Variants in PRPF6 observed in about 807,000 individuals in gnomAD.
The protein encoded by PRPF6 is pre-mRNA processing factor 6, also known as pre-mRNA-processing factor 6.
A neutral mutation model predicts 118.3 loss-of-function variants in PRPF6; 42 were observed. The ratio of observed to expected loss-of-function variants is 0.35; its 90% CI spans 0.28 to 0.46. The LOEUF (loss-of-function observed/expected upper bound fraction) is 0.46, where lower values mean the gene tolerates loss of function less well. PRPF6 is among the 20% of genes least tolerant of loss of function. The pLI, the probability that PRPF6 is intolerant of heterozygous loss-of-function variation, is 1.00. For missense variants in PRPF6, 662 were observed against 1,255.7 expected (o/e 0.53, Z 7.15); for synonymous variants, 481 against 485.1 (o/e 0.99, Z 0.11).
chr20:64,010,243 C>T lies in PRPF6; in HGVS notation c.1230C>T (p.Ala410=), dbSNP rs202174499. The T allele has an allele frequency of 1.4e-5, 22 of 1,614,194 alleles. No individual in the cohort carries two copies. In the East Asian group the frequency reaches 2.0e-4, roughly 15 times the overall value. Residue 410 remains alanine, a synonymous_variant, in exon 10 of 21, where the codon GCC becomes GCT. Transcript: ENST00000266079. ...VPNSVRLWKA[A]VELEEPEDAR... Reference sequence around the variant, plus strand: ...ACTCGGTTCGCTTGTGGAAAGCAGCCGTTGAGCTGGAAGAACCTGAAGATG... The same window carrying T: ...ACTCGGTTCGCTTGTGGAAAGCAGCTGTTGAGCTGGAAGAACCTGAAGATG...
intron 12 of PRPF6, among the ~76,000 whole-genome samples, chr20:64,019,687 G>T (rs2059254342): frequency 6.6e-6 from 1 of 152,234 alleles, no homozygotes; most frequent in East Asian, 1.9e-4. Context: ...ATAGACCAGA[G>T]TGCTCTATCC....
chr20:64,000,987 C>T (rs908936509), intron 8 of PRPF6, 90 bp from the exon 9 acceptor site: 12 of 1,452,472 alleles, frequency 8.3e-6, no homozygotes, highest in Non-Finnish European at 1.1e-5. Flanking sequence ...TTCTGGGGCC[C>T]GAGGATCTGC....
intron 8 of PRPF6, among the ~76,000 whole-genome samples, chr20:64,000,265 G>GAA (rs2059160569): frequency 6.6e-6 from 1 of 152,086 alleles, no homozygotes; most frequent in Non-Finnish European, 1.5e-5. Flanking sequence ...GAGGCGGGTG[G>GAA]ATCACTTGAG....
intron 14 of PRPF6, 43 bp from the exon 15 acceptor site, chr20:64,025,896 C>G: frequency 6.2e-7 from 1 of 1,613,182 alleles, no homozygotes; most frequent in Non-Finnish European, 8.5e-7. Context: ...GCGCTGGTCC[C>G]TGTGTTCTGA....
At chr20:63,984,216 C>T (rs568183949) in intron 2 of PRPF6, among the ~76,000 whole-genome samples, 1 of 152,106 alleles carries the variant, frequency 6.6e-6, no homozygotes, top group African/African-American at 2.4e-5. Flanking sequence ...GCCAGGATAT[C>T]GAGACCATCC....
At chr20:64,019,448 C>G (rs1185702631) in intron 12 of PRPF6, among the ~76,000 whole-genome samples, 2 of 152,074 alleles carry the variant, frequency 1.3e-5, no homozygotes, top group Non-Finnish European at 2.9e-5. Flanking sequence ...AGCTGTTTTT[C>G]AAAGTGCTCG....
Position 64,011,272 on chromosome 20 carries a change from C to T in PRPF6, c.1306-13C>T, listed in dbSNP as rs2059216026. 1 of 1,613,514 alleles carries T rather than the reference C, an allele frequency of 6.2e-7. No homozygotes were observed. On this transcript the variant is annotated splice_polypyrimidine_tract_variant and intron_variant, in intron 10 of 20. Transcript: ENST00000266079. This position sits in a 1 kb window ranked among gnomAD's most constrained non-coding sequence, Gnocchi z 6.7. Reference sequence around the variant, plus strand: ...CAGTGTCCTCTCCTTTTTCTCGTGTCCTCTCCGCGTAGCTCTGGCTTGCTC... The same window carrying T: ...CAGTGTCCTCTCCTTTTTCTCGTGTTCTCTCCGCGTAGCTCTGGCTTGCTC...
chr20:63,983,024 G>A (rs370723310), intron 1 of PRPF6, 23 bp from the exon 2 acceptor site: 21 of 1,612,666 alleles, frequency 1.3e-5, no homozygotes, highest in Admixed American at 1.0e-4. Context: ...TCAGACACCC[G>A]GTGTCTTGGG....
Position 64,027,761 on chromosome 20 carries a change from G to C in PRPF6, c.2339+25G>C. On this transcript the variant is annotated intron_variant, in intron 17 of 20. Coordinates refer to ENST00000266079, the MANE Select transcript of PRPF6 (RefSeq NM_012469.4). The surrounding 1 kb of genome is among the most constrained non-coding windows in gnomAD (Gnocchi z 6.5). The stretch of plus-strand genomic sequence containing the variant: ...GGTGAGTCCTGGAGGGGGCAGCCTG[G>C]CCTCTGGGCACAGCTTCCCCATCAG... The C allele has an allele frequency of 6.2e-7, 1 of 1,613,176 alleles. No individual in the cohort carries two copies. Among genetic ancestry groups the C allele is most frequent in the Non-Finnish European group, 8.5e-7 (1 of 1,179,948 alleles).
chr20:64,024,064 A>G (rs1449345730), intron 13 of PRPF6, among the ~76,000 whole-genome samples: 1 of 152,252 alleles, frequency 6.6e-6, no homozygotes, highest in East Asian at 1.9e-4. Context: ...ATGAGAGTCC[A>G]GGAGCATCAG....
At chr20:63,994,427 G>T (rs554663337) in intron 4 of PRPF6, among the ~76,000 whole-genome samples, 41 of 152,264 alleles carry the variant, frequency 2.7e-4, no homozygotes, top group African/African-American at 9.4e-4. Context: ...AAAGTGCTGG[G>T]ATTAACAGGC....
At chr20:64,018,136 T>C (rs964651797) in intron 12 of PRPF6, among the ~76,000 whole-genome samples, 1 of 152,050 alleles carries the variant, frequency 6.6e-6, no homozygotes, top group Non-Finnish European at 1.5e-5. Context: ...TTTGGGGCCG[T>C]AGTGAGCTGT....
intron 19 of PRPF6, among the ~76,000 whole-genome samples, 181 bp from the exon 20 acceptor site, chr20:64,031,737 A>C (rs185074910): frequency 6.6e-6 from 1 of 151,782 alleles, no homozygotes; most frequent in Non-Finnish European, 1.5e-5. Context: ...GGGCAGCTTC[A>C]AGTTAATGAT....
At chr20:64,031,686 AAAAAACAAC>A (rs2059314656) in intron 19 of PRPF6, among the ~76,000 whole-genome samples, 1 of 150,258 alleles carries the variant, frequency 6.7e-6, no homozygotes, top group African/African-American at 2.5e-5. Context: ...AAAAAAAAAA[AAAAAACAAC>A]AAAAAAAAAC....
intron 12 of PRPF6, among the ~76,000 whole-genome samples, chr20:64,018,399 C>T (rs1419070332): frequency 6.6e-6 from 1 of 152,054 alleles, no homozygotes; most frequent in African/African-American, 2.4e-5. Flanking sequence ...GTGGTGTCTC[C>T]TCCGGGTTGG....
intron 11 of PRPF6, among the ~76,000 whole-genome samples, chr20:64,014,301 T>G (rs1417620308): frequency 6.6e-6 from 1 of 152,154 alleles, no homozygotes; most frequent in African/African-American, 2.4e-5. Flanking sequence ...TATACAGATG[T>G]TCAACTTATG....
chr20:64,022,244 G>A (rs185736900), intron 12 of PRPF6, among the ~76,000 whole-genome samples: 1 of 152,316 alleles, frequency 6.6e-6, no homozygotes, highest in East Asian at 1.9e-4. Context: ...TGTAATGCTG[G>A]AGTAAGAACT....
At chr20:64,016,927 T>A in intron 12 of PRPF6, 82 bp downstream of exon 12, 4 of 1,563,546 alleles carry the variant, frequency 2.6e-6, no homozygotes, top group Non-Finnish European at 3.5e-6. Context: ...ACTACTAGGC[T>A]ATTTTAAAAC....
intron 3 of PRPF6, among the ~76,000 whole-genome samples, chr20:63,991,546 C>CT (rs2059118854): frequency 6.6e-6 from 1 of 152,130 alleles, no homozygotes; most frequent in Non-Finnish European, 1.5e-5. Flanking sequence ...AATCCCAGCA[C>CT]TTTGGGAGGC....
Sources: allele counts gnomAD v4.1 joint callset (sites outside exome capture counted in the v4.1 genomes callset), GRCh38; gene constraint gnomAD v4.1.1; non-coding constraint Gnocchi (gnomAD v3.1); transcripts MANE v1.5; gene names NCBI Gene and HGNC (gene_info 2026-07-23, HGNC 2026-07-21).